The following EMSY variants were observed in gnomAD, a reference collection of about 807,000 sequenced individuals.
EMSY encodes EMSY transcriptional repressor, BRCA2 interacting, also known as BRCA2-interacting transcriptional repressor EMSY.
A neutral mutation model predicts 134.6 loss-of-function variants in EMSY; 26 were observed. The ratio of observed to expected loss-of-function variants is 0.19; its 90% confidence interval spans 0.14 to 0.27. EMSY has a LOEUF of 0.27. Among genes scored for constraint, EMSY ranks in the 10% least tolerant of loss-of-function variants. The probability of loss-of-function intolerance (pLI) is 1.00; values close to 1 mark genes in which losing one functional copy is unlikely to be tolerated. For missense variants in EMSY, 1,305 were observed against 1,611.4 expected (o/e 0.81, Z 3.26); for synonymous variants, 579 against 577.8 (o/e 1.00, Z -0.03).
chr11:76,533,068 C>T (rs549986050), intron 14 of EMSY, among the ~76,000 whole-genome samples: 1 of 152,158 alleles, frequency 6.6e-6, no homozygotes, highest in African/African-American at 2.4e-5. Flanking sequence ...GCCTTGCTGT[C>T]TAGGCAATTA....
chr11:76,494,649 C>CCCTTCCTTCCTT (rs71036100), intron 8 of EMSY, among the ~76,000 whole-genome samples: 6 of 69,200 alleles, frequency 8.7e-5, no homozygotes, highest in East Asian at 7.4e-4. Flanking sequence ...CCTTTCCTTT[C>CCCTTCCTTCCTT]CCTTCCTTCC....
intron 2 of EMSY, among the ~76,000 whole-genome samples, chr11:76,450,794 A>ATTTTT (rs34212263): frequency 7.4e-6 from 1 of 135,934 alleles, no homozygotes. Flanking sequence ...GCCTGGCCAG[A>ATTTTT]TTTTTTTTTT....
intron 7 of EMSY, 47 bp downstream of exon 8, chr11:76,464,127 A>G (rs749556530): frequency 1.2e-6 from 2 of 1,603,258 alleles, no homozygotes; most frequent in Non-Finnish European, 1.7e-6. Flanking sequence ...TCTTTCAGAC[A>G]GTATGATTCA....
intron 14 of EMSY, among the ~76,000 whole-genome samples, chr11:76,529,532 TC>T (rs1306268730): frequency 2.0e-5 from 3 of 152,140 alleles, no homozygotes; most frequent in Non-Finnish European, 2.9e-5. Context: ...ACAATATAGT[TC>T]TTGCCCTCCA....
intron 12 of EMSY, among the ~76,000 whole-genome samples, chr11:76,524,915 G>T (rs949080307): frequency 1.3e-5 from 2 of 152,200 alleles, no homozygotes; most frequent in African/African-American, 2.4e-5. Context: ...CTACTTGGGA[G>T]GCTGAGGTGG....
At chr11:76,528,549 T>G in intron 14 of EMSY, 83 bp downstream of exon 15, 1 of 976,554 alleles carries the variant, frequency 1.0e-6, no homozygotes, top group South Asian at 2.1e-5. Flanking sequence ...TTCTACACAT[T>G]TCACAACAAA....
At chr11:76,452,160 A>G (rs1947695948) in intron 3 of EMSY, among the ~76,000 whole-genome samples, 3 of 152,250 alleles carry the variant, frequency 2.0e-5, no homozygotes, top group Admixed American at 2.0e-4. Flanking sequence ...ATCCAGAATG[A>G]ATATAATCCA....
At chr11:76,509,763 ACT>A (rs773709129) in intron 9 of EMSY, among the ~76,000 whole-genome samples, 15 of 152,150 alleles carry the variant, frequency 9.9e-5, no homozygotes, top group African/African-American at 1.7e-4. Flanking sequence ...ATTTGTGGAG[ACT>A]CTGACAATAT....
At chr11:76,536,048 A>C in exon 15 of EMSY, 7 of 1,560,322 alleles carry the variant, frequency 4.5e-6, no homozygotes, top group Non-Finnish European at 6.1e-6. Context: ...TTAGAACTCC[A>C]ACAGACAACA....
chr11:76,537,915 T>C (rs545573352), exon 16 of EMSY: 6 of 1,613,818 alleles, frequency 3.7e-6, no homozygotes, highest in African/African-American at 2.7e-5. Flanking sequence ...ATTGCTGTGG[T>C]AGAGTCAGAA....
intron 4 of EMSY, among the ~76,000 whole-genome samples, chr11:76,457,478 G>T (rs1249638927): frequency 6.6e-6 from 1 of 152,214 alleles, no homozygotes; most frequent in Non-Finnish European, 1.5e-5. Context: ...AATGGTGTTT[G>T]CTTAGAGAGT....
intron 9 of EMSY, among the ~76,000 whole-genome samples, chr11:76,501,255 T>C (rs1949847450): frequency 6.6e-6 from 1 of 152,142 alleles, no homozygotes; most frequent in South Asian, 2.1e-4. Context: ...ATGTCTAATT[T>C]CTAACAAAGA....
chr11:76,547,578 GAA>G (rs768427784), intron 20 of EMSY, among the ~76,000 whole-genome samples: 1 of 152,176 alleles, frequency 6.6e-6, no homozygotes, highest in Non-Finnish European at 1.5e-5. Context: ...AGTAAAATGG[GAA>G]TCAGTAATGC....
Position 76,510,787 on chromosome 11 carries a change from A to C in EMSY, c.1364-2599A>C, listed in dbSNP as rs73495404. Among the ~76,000 whole-genome samples the C allele has an allele frequency of 4.8e-3, 738 of 152,182 alleles. 4 individuals carry two copies. The highest frequency in any genetic ancestry group is 0.017 in the African/African-American group (700 of 41,514). On this transcript the variant is annotated intron_variant, in intron 9 of 20. Transcript: ENST00000334736. ...AAGTCTGGTTTCTCCTGAGAAGAAA[A>C]CCTTTCAACTGGGAGCTGGCAGAGA...
exon 20 of EMSY, chr11:76,546,169 A>G: frequency 6.2e-7 from 1 of 1,614,176 alleles, no homozygotes; most frequent in Non-Finnish European, 8.5e-7. Context: ...GAGTCCATCC[A>G]CTGTTGGCTC....
chr11:76,528,122 C>A (rs774449516), intron 13 of EMSY, 146 bp from the exon 15 acceptor site: 97 of 686,890 alleles, frequency 1.4e-4, no homozygotes, highest in Non-Finnish European at 2.2e-4. Context: ...ATTGAATTAC[C>A]CTTTGATGAG....
In EMSY at chr11:76,523,140, TC is replaced by T; in HGVS notation, c.1685-10del. The T allele has an allele frequency of 6.2e-7, 1 of 1,600,160 alleles. No individual in the cohort carries two copies. Among genetic ancestry groups the T allele is most frequent in the Non-Finnish European group, 8.5e-7 (1 of 1,175,768 alleles). On this transcript the variant is annotated splice_polypyrimidine_tract_variant and intron_variant, in intron 11 of 20. Transcript: ENST00000334736. ...GTCCTTAACTCAGGCCTCCTTTTCT[TC>T]CCCCTTTTCTAAGGAACGACTACCA...
intron 8 of EMSY, among the ~76,000 whole-genome samples, chr11:76,477,275 T>TG (rs1948803592): frequency 6.6e-6 from 1 of 150,938 alleles, no homozygotes; most frequent in African/African-American, 2.4e-5. Context: ...TTTCTGTTTT[T>TG]TTTTTTGTTT....
At chr11:76,525,372 C>T (rs760437077) in intron 12 of EMSY, among the ~76,000 whole-genome samples, 31 of 152,180 alleles carry the variant, frequency 2.0e-4, no homozygotes, top group Admixed American at 2.0e-4. Context: ...TTATATTTAG[C>T]TCTGAATTCA....
Sources: allele counts gnomAD v4.1 joint callset (sites outside exome capture counted in the v4.1 genomes callset), GRCh38; gene constraint gnomAD v4.1.1; transcripts MANE v1.5; gene names NCBI Gene and HGNC (gene_info 2026-07-23, HGNC 2026-07-21).